The following ELMO1 variants were observed in gnomAD, a reference collection of about 807,000 sequenced individuals.
ELMO1 encodes the protein engulfment and cell motility 1.
ELMO1 carries 26 observed loss-of-function variants against 98.9 expected under a neutral mutation model. That is an observed-to-expected ratio of 0.26 (90% CI 0.19 to 0.36). ELMO1 has a LOEUF of 0.36. ELMO1 is among the 10% of genes least tolerant of loss of function. The pLI is 1.00. For missense variants in ELMO1, 627 were observed against 935.2 expected (o/e 0.67, Z 4.30); for synonymous variants, 346 against 346.0 (o/e 1.00, Z 0.00).
At chr7:37,438,133 C>T (rs567366462) in intron 1 of ELMO1, among the ~76,000 whole-genome samples, 1 of 152,286 alleles carries the variant, frequency 6.6e-6, no homozygotes, top group South Asian at 2.1e-4. Flanking sequence ...CTGCCAACCC[C>T]ACCTTTCCTC....
chr7:37,027,206 T>C (rs1330836454), intron 15 of ELMO1, among the ~76,000 whole-genome samples: 1 of 152,208 alleles, frequency 6.6e-6, no homozygotes, highest in East Asian at 1.9e-4. Flanking sequence ...AAGAGAACAA[T>C]GAATAACATC....
At chr7:37,096,771 G>A (rs746114632) in intron 14 of ELMO1, 44 bp from the exon 15 acceptor site, 2 of 1,535,144 alleles carry the variant, frequency 1.3e-6, no homozygotes, top group African/African-American at 1.4e-5. Flanking sequence ...ATTCAATTGT[G>A]GAAAACATCA....
intron 14 of ELMO1, among the ~76,000 whole-genome samples, chr7:37,101,872 G>A (rs935557820): frequency 6.6e-6 from 1 of 152,104 alleles, no homozygotes; most frequent in African/African-American, 2.4e-5. Context: ...ACAAGTCAAT[G>A]CATGACATGG....
intron 13 of ELMO1, among the ~76,000 whole-genome samples, chr7:37,179,121 G>A (rs1790681384): frequency 6.6e-6 from 1 of 152,142 alleles, no homozygotes; most frequent in Admixed American, 6.5e-5. Context: ...TACTATGGCT[G>A]CGACAGTTCA....
chr7:36,931,829 G>A (rs148823616), intron 16 of ELMO1, among the ~76,000 whole-genome samples: 1 of 152,280 alleles, frequency 6.6e-6, no homozygotes, highest in African/African-American at 2.4e-5. Context: ...AAGGGAGAAT[G>A]GTATTCCCTA....
chr7:37,278,929 C>T (rs899788261), intron 4 of ELMO1, among the ~76,000 whole-genome samples: 6 of 151,828 alleles, frequency 4.0e-5, no homozygotes, highest in African/African-American at 1.2e-4. Flanking sequence ...GGGCCAGGCG[C>T]GGTGGCTCAC....
chr7:37,332,938 C>T (rs565354988), intron 2 of ELMO1, among the ~76,000 whole-genome samples: 1 of 151,998 alleles, frequency 6.6e-6, no homozygotes, highest in Non-Finnish European at 1.5e-5. Flanking sequence ...ACAGCAGTGG[C>T]GGCTAGGACG....
intron 1 of ELMO1, among the ~76,000 whole-genome samples, chr7:37,382,379 TA>T (rs1311121864): frequency 6.6e-6 from 1 of 152,236 alleles, no homozygotes; most frequent in Non-Finnish European, 1.5e-5. Flanking sequence ...TTTCTTGTAT[TA>T]TTTTTTTCTG....
chr7:37,124,268 T>C (rs1786326053), intron 14 of ELMO1, among the ~76,000 whole-genome samples: 1 of 152,178 alleles, frequency 6.6e-6, no homozygotes, highest in Admixed American at 6.5e-5. Context: ...CAACATAGTG[T>C]TGGAAGTTCT....
intron 19 of ELMO1, among the ~76,000 whole-genome samples, chr7:36,873,926 T>C (rs61296307): frequency 6.6e-6 from 1 of 152,374 alleles, no homozygotes; most frequent in African/African-American, 2.4e-5. Flanking sequence ...CCTTGAGCTC[T>C]TGCTGTGTGC....
intron 1 of ELMO1, among the ~76,000 whole-genome samples, chr7:37,346,260 C>A (rs1179797529): frequency 2.0e-5 from 3 of 152,170 alleles, no homozygotes; most frequent in Admixed American, 1.3e-4. Context: ...TCCCTGCACA[C>A]CTATTCAGAG....
At chr7:36,880,806 C>T (rs1184315624) in intron 18 of ELMO1, among the ~76,000 whole-genome samples, 1 of 152,206 alleles carries the variant, frequency 6.6e-6, no homozygotes, top group East Asian at 1.9e-4. Context: ...CAGTAATGAT[C>T]AGAGAACAGT....
chr7:37,366,218 T>G (rs1398738545), intron 1 of ELMO1, among the ~76,000 whole-genome samples: 5 of 152,222 alleles, frequency 3.3e-5, no homozygotes, highest in African/African-American at 1.2e-4. Flanking sequence ...CCATATCCTT[T>G]CGGTGGTCTC....
At chr7:37,071,602 A>G (rs994476365) in intron 15 of ELMO1, among the ~76,000 whole-genome samples, 1 of 152,328 alleles carries the variant, frequency 6.6e-6, no homozygotes, top group African/African-American at 2.4e-5. Flanking sequence ...CCCACTCCCC[A>G]GGTTTAATTA....
At chr7:37,326,815 C>T (rs1799845946) in intron 2 of ELMO1, among the ~76,000 whole-genome samples, 1 of 152,140 alleles carries the variant, frequency 6.6e-6, no homozygotes, top group Non-Finnish European at 1.5e-5. Flanking sequence ...CTACCTTCTC[C>T]TTTAGATATT....
At position 37,419,213 on chromosome 7, in the gene ELMO1, C is replaced by T. The variant is rs1035889864; in HGVS notation, c.-74+29462G>A. Among the ~76,000 whole-genome samples the T allele has an allele frequency of 4.6e-5, 7 of 152,216 alleles. No homozygotes were observed. The East Asian group carries it at 1.4e-3, about 29-fold the overall frequency. Reference sequence around the variant, plus strand: ...AGCTCGGAGAAAACCCAAAATAATACTCTTAAAATATTTGTAATTAAAAAT... The same window carrying T: ...AGCTCGGAGAAAACCCAAAATAATATTCTTAAAATATTTGTAATTAAAAAT... On this transcript the variant is annotated intron_variant, in intron 1 of 21. Coordinates refer to ENST00000310758, the MANE Select transcript of ELMO1 (RefSeq NM_014800.11).
chr7:37,304,041 T>A (rs1798480741), intron 4 of ELMO1, among the ~76,000 whole-genome samples: 1 of 152,174 alleles, frequency 6.6e-6, no homozygotes, highest in African/African-American at 2.4e-5. Flanking sequence ...AGGCTGTTTT[T>A]TTTTCTTCAT....
chr7:37,235,868 C>A (rs1210000492), intron 7 of ELMO1, among the ~76,000 whole-genome samples: 1 of 152,154 alleles, frequency 6.6e-6, no homozygotes, highest in Non-Finnish European at 1.5e-5. Context: ...TGCAGTGAGC[C>A]AAGATCGTGC....
intron 1 of ELMO1, among the ~76,000 whole-genome samples, chr7:37,424,602 G>C (rs1224450760): frequency 6.6e-6 from 1 of 152,122 alleles, no homozygotes; most frequent in Non-Finnish European, 1.5e-5. Context: ...CAAAAGCCTG[G>C]GAATCAAAAT....
Sources: gnomAD v4.1 joint callset for allele counts (sites outside exome capture counted in the v4.1 genomes callset) on GRCh38, gnomAD v4.1.1 for gene constraint, MANE v1.5 for transcripts, NCBI Gene and HGNC (gene_info 2026-07-23, HGNC 2026-07-21) for gene names.